NXPH2: variants seen among roughly 807,000 people sequenced by gnomAD.
NXPH2 encodes neurexophilin-2.
In NXPH2, 5 loss-of-function variants were observed where a neutral mutation model predicts 19.8. The ratio of observed to expected loss-of-function variants is 0.25; its 90% CI spans 0.13 to 0.53. The LOEUF is 0.53. NXPH2 is among the 20% of genes least tolerant of loss of function. The pLI is 0.96. For missense variants in NXPH2, 289 were observed against 322.8 expected, an observed-to-expected ratio of 0.90 and a Z score of 0.80; for synonymous variants, 154 against 127.4, an observed-to-expected ratio of 1.21 and a Z score of -1.41.
intron 1 of NXPH2, among the ~76,000 whole-genome samples, chr2:138,777,851 A>AAAAAAAC (rs1682290661): frequency 6.7e-6 from 1 of 149,982 alleles, no homozygotes; most frequent in East Asian, 1.9e-4. Flanking sequence ...AAAAAAAAAA[A>AAAAAAAC]AAAGCCTTAT....
At chr2:138,685,916 G>A (rs750559940) in intron 1 of NXPH2, among the ~76,000 whole-genome samples, 1 of 151,922 alleles carries the variant, frequency 6.6e-6, no homozygotes, top group Admixed American at 6.6e-5. Flanking sequence ...TTTTTGACTT[G>A]GTTCTTCCTC....
At chr2:138,710,069 A>G (rs1573962276) in intron 1 of NXPH2, among the ~76,000 whole-genome samples, 1 of 152,196 alleles carries the variant, frequency 6.6e-6, no homozygotes, top group African/African-American at 2.4e-5. Context: ...AACATCAAGC[A>G]ATAACTCCCA....
rs1680410355 is a variant in NXPH2 at position 138,671,295 on chromosome 2, G to C, written c.422C>G (p.Thr141Ser). ...ATTATGTCGGAAATACACACTGAAGGTTCCATTTCCATGGTCAACAATTTT... is the reference window on the plus strand; with the variant it reads ...ATTATGTCGGAAATACACACTGAAGCTTCCATTTCCATGGTCAACAATTTT... ...TGKIVDHGNG[T>S]FSVYFRHNST... The change falls in exon 2 of 2, where the codon ACC becomes AGC. Residue 141 changes from threonine to serine, a missense_variant. Physicochemically the swap from Thr to Ser is moderately conservative, Grantham distance 58. Transcript: ENST00000272641. The C allele has an allele frequency of 1.2e-6, 2 of 1,613,808 alleles. No individual in the cohort carries two copies. Among genetic ancestry groups the C allele is most frequent in the Non-Finnish European group, 8.5e-7 (1 of 1,179,806 alleles).
chr2:138,706,284 A>G (rs1396902407), intron 1 of NXPH2, among the ~76,000 whole-genome samples: 1 of 152,224 alleles, frequency 6.6e-6, no homozygotes, highest in African/African-American at 2.4e-5. Context: ...TTAAGGAATT[A>G]AGTTGGCAGT....
chr2:138,771,543 T>C (rs1380425477), intron 1 of NXPH2, among the ~76,000 whole-genome samples: 1 of 151,418 alleles, frequency 6.6e-6, no homozygotes, highest in East Asian at 1.9e-4. Flanking sequence ...GAAGCAAGTA[T>C]TTGAGGGCTA....
chr2:138,698,743 A>G (rs1680867443), intron 1 of NXPH2, among the ~76,000 whole-genome samples: 1 of 152,120 alleles, frequency 6.6e-6, no homozygotes, highest in Non-Finnish European at 1.5e-5. Flanking sequence ...GGTTCCAGCT[A>G]CTTGGGAGAT....
At chr2:138,738,351 G>A (rs13415969) in intron 1 of NXPH2, among the ~76,000 whole-genome samples, 4 of 152,038 alleles carry the variant, frequency 2.6e-5, no homozygotes, top group East Asian at 1.9e-4. Context: ...TTGGTATAAC[G>A]AATGACACTT....
In NXPH2 at chr2:138,670,196, T is replaced by C. The variant is rs993578399; in HGVS notation, c.*726A>G. On this transcript the variant is annotated 3_prime_UTR_variant, in exon 2 of 2. Coordinates refer to ENST00000272641, the MANE Select transcript of NXPH2 (RefSeq NM_007226.3). ...AGAAGAGTCTAAAAACATCATGATTTTTGTTATCGTTCAACAAACTTATTC... is the reference window on the plus strand; with the variant it reads ...AGAAGAGTCTAAAAACATCATGATTCTTGTTATCGTTCAACAAACTTATTC... Among the ~76,000 whole-genome samples the C allele has an allele frequency of 3.3e-5, 5 of 152,206 alleles. No individual in the cohort carries two copies. The highest frequency in any genetic ancestry group is 7.3e-5 in the Non-Finnish European group (5 of 68,034).
At chr2:138,676,778 G>A (rs1680490163) in intron 1 of NXPH2, among the ~76,000 whole-genome samples, 1 of 151,412 alleles carries the variant, frequency 6.6e-6, no homozygotes, top group Non-Finnish European at 1.5e-5. Context: ...CAAGCCTCCA[G>A]GAAACTGATT....
intron 1 of NXPH2, among the ~76,000 whole-genome samples, chr2:138,686,540 T>G (rs1680655381): frequency 7.5e-6 from 1 of 133,134 alleles, no homozygotes; most frequent in African/African-American, 2.5e-5. Context: ...GAAATTGTTA[T>G]TTATTTATTT....
intron 1 of NXPH2, among the ~76,000 whole-genome samples, chr2:138,753,200 G>C (rs1241013589): frequency 2.6e-5 from 4 of 152,048 alleles, no homozygotes; most frequent in African/African-American, 2.4e-5. Flanking sequence ...AAGGATAAAT[G>C]GTTATTGATT....
chr2:138,762,605 AC>A (rs1682034096), intron 1 of NXPH2, among the ~76,000 whole-genome samples: 1 of 152,220 alleles, frequency 6.6e-6, no homozygotes, highest in Non-Finnish European at 1.5e-5. Context: ...AGGGTTTATT[AC>A]ACCCTAATAT....
At chr2:138,672,568 T>A (rs1374696819) in intron 1 of NXPH2, among the ~76,000 whole-genome samples, 2 of 152,196 alleles carry the variant, frequency 1.3e-5, no homozygotes, top group Admixed American at 6.5e-5. Context: ...GATCACTGTA[T>A]ATGATGCTGT....
intron 1 of NXPH2, among the ~76,000 whole-genome samples, chr2:138,698,814 A>G (rs1680873032): frequency 6.6e-6 from 1 of 152,188 alleles, no homozygotes; most frequent in Non-Finnish European, 1.5e-5. Context: ...TGATCACACC[A>G]CTGTACTCCA....
At chr2:138,776,817 A>T (rs1284851558) in intron 1 of NXPH2, among the ~76,000 whole-genome samples, 1 of 152,068 alleles carries the variant, frequency 6.6e-6, no homozygotes, top group Non-Finnish European at 1.5e-5. Flanking sequence ...AACAAATATT[A>T]AAATTATTAG....
chr2:138,739,894 G>A (rs1410572623), intron 1 of NXPH2, among the ~76,000 whole-genome samples: 1 of 152,190 alleles, frequency 6.6e-6, no homozygotes, highest in East Asian at 1.9e-4. Context: ...TAGAAGTAGG[G>A]AGGCCAGATA....
chr2:138,770,502 T>C (rs1214408814), intron 1 of NXPH2, among the ~76,000 whole-genome samples: 2 of 152,096 alleles, frequency 1.3e-5, no homozygotes, highest in Non-Finnish European at 2.9e-5. Context: ...TAAATTTTAA[T>C]ATGAGACATA....
chr2:138,676,116 A>G (rs189837584), intron 1 of NXPH2, among the ~76,000 whole-genome samples: 4 of 152,338 alleles, frequency 2.6e-5, no homozygotes, highest in African/African-American at 9.6e-5. Context: ...ATTACTTTAA[A>G]ATACACGTAC....
Position 138,733,774 on chromosome 2 carries a change from G to C in NXPH2, c.51+46417C>G, listed in dbSNP as rs368437066. Among the ~76,000 whole-genome samples the C allele has an allele frequency of 2.2e-4, 34 of 152,288 alleles. No individual in the cohort carries two copies. The South Asian group carries it at 7.1e-3, about 32-fold the overall frequency. The stretch of plus-strand genomic sequence containing the variant: ...AGACTCCATCCTGATATTCAGACTT[G>C]ATTCTAAAAATGACATTGAGTAATA... On this transcript the variant is annotated intron_variant, in intron 1 of 1. Coordinates refer to ENST00000272641, the MANE Select transcript of NXPH2 (RefSeq NM_007226.3).
Sources: allele counts gnomAD v4.1 joint callset (sites outside exome capture counted in the v4.1 genomes callset), GRCh38; gene constraint gnomAD v4.1.1; transcripts MANE v1.5; gene names NCBI Gene and HGNC (gene_info 2026-07-23, HGNC 2026-07-21).